The following PCDH15 variants were observed in gnomAD, a reference collection of about 807,000 sequenced individuals.
The protein encoded by PCDH15 is protocadherin-15.
A neutral mutation model predicts 178.5 loss-of-function variants in PCDH15; 129 were observed. The observed-to-expected ratio is 0.72, with a 90% CI of 0.63 to 0.84. The LOEUF (loss-of-function observed/expected upper bound fraction) is 0.84. Among genes scored for constraint, PCDH15 ranks in the 40% least tolerant of loss-of-function variants. The pLI is 0.00. For missense variants in PCDH15, 2,230 were observed against 2,099.9 expected, an observed-to-expected ratio of 1.06 and a Z score of -1.21; for synonymous variants, 800 against 732.0, an observed-to-expected ratio of 1.09 and a Z score of -1.50.
intron 1 of PCDH15, among the ~76,000 whole-genome samples, chr10:54,700,837 C>A (rs2095300324): frequency 6.6e-6 from 1 of 151,982 alleles, no homozygotes; most frequent in African/African-American, 2.4e-5. Flanking sequence ...CAAGGGCCAA[C>A]ACTTAAATTC....
At chr10:54,933,749 A>G (rs1375337926) in intron 2 of PCDH15, among the ~76,000 whole-genome samples, 1 of 152,082 alleles carries the variant, frequency 6.6e-6, no homozygotes. Context: ...TTAATTATGG[A>G]TTCCATGTGC....
intron 21 of PCDH15, among the ~76,000 whole-genome samples, chr10:53,983,691 T>C (rs1356970155): frequency 1.3e-5 from 2 of 152,212 alleles, no homozygotes; most frequent in Admixed American, 6.5e-5. Flanking sequence ...ACATTCCTTG[T>C]AAAATTTATT....
chr10:54,135,193 ACTCT>A (rs963660896), intron 14 of PCDH15, among the ~76,000 whole-genome samples: 1 of 137,800 alleles, frequency 7.3e-6, no homozygotes, highest in African/African-American at 3.0e-5. Context: ...ACAGGGCGAG[ACTCT>A]GTCTCAAAAA....
intron 20 of PCDH15, among the ~76,000 whole-genome samples, chr10:54,016,025 C>T (rs1404685731): frequency 1.3e-5 from 2 of 152,038 alleles, no homozygotes; most frequent in African/African-American, 4.8e-5. Context: ...ACGCATCTGA[C>T]AAAGGTCAAA....
At chr10:54,827,660 G>C (rs998335443) in intron 3 of PCDH15, among the ~76,000 whole-genome samples, 1 of 151,982 alleles carries the variant, frequency 6.6e-6, no homozygotes, top group Non-Finnish European at 1.5e-5. Context: ...GAAAACAACT[G>C]CATCTTATTA....
intron 2 of PCDH15, among the ~76,000 whole-genome samples, chr10:55,008,967 C>T (rs956606668): frequency 6.6e-6 from 1 of 152,000 alleles, no homozygotes; most frequent in Non-Finnish European, 1.5e-5. Flanking sequence ...GAATTGTCAA[C>T]CTTAGATCCT....
At chr10:54,007,775 A>G (rs1273098846) in intron 20 of PCDH15, among the ~76,000 whole-genome samples, 2 of 152,186 alleles carry the variant, frequency 1.3e-5, no homozygotes, top group African/African-American at 2.4e-5. Context: ...TCTTGTTTAC[A>G]AAAGAAATTA....
At chr10:54,139,851 A>T (rs908093970) in intron 14 of PCDH15, among the ~76,000 whole-genome samples, 1 of 152,182 alleles carries the variant, frequency 6.6e-6, no homozygotes, top group Non-Finnish European at 1.5e-5. Flanking sequence ...TAATGAAAAA[A>T]ATAACAATTT....
intron 3 of PCDH15, among the ~76,000 whole-genome samples, chr10:54,862,628 C>G (rs1425947690): frequency 6.6e-6 from 1 of 152,042 alleles, no homozygotes; most frequent in Non-Finnish European, 1.5e-5. Flanking sequence ...TCAGGCCCTC[C>G]CAAGGGGTTG....
chr10:53,979,397 C>T (rs572450700), intron 21 of PCDH15, among the ~76,000 whole-genome samples: 1 of 152,260 alleles, frequency 6.6e-6, no homozygotes, highest in East Asian at 1.9e-4. Flanking sequence ...AATTGTCTCC[C>T]ACTGGGTCTC....
At chr10:54,524,039 A>G (rs985396724) in intron 3 of PCDH15, among the ~76,000 whole-genome samples, 1 of 152,194 alleles carries the variant, frequency 6.6e-6, no homozygotes, top group Admixed American at 6.5e-5. Flanking sequence ...AAAGCCAGTA[A>G]TTGAACTTTG....
intron 1 of PCDH15, among the ~76,000 whole-genome samples, chr10:54,762,514 C>G (rs1038223112): frequency 6.6e-6 from 1 of 152,038 alleles, no homozygotes; most frequent in Admixed American, 6.5e-5. Flanking sequence ...CCAAATGAAA[C>G]AAATACCTTC....
At chr10:54,114,367 T>G (rs2095077659) in intron 15 of PCDH15, among the ~76,000 whole-genome samples, 1 of 152,128 alleles carries the variant, frequency 6.6e-6, no homozygotes, top group Non-Finnish European at 1.5e-5. Flanking sequence ...TACACAGAGC[T>G]AACCAATAAG....
intron 8 of PCDH15, among the ~76,000 whole-genome samples, chr10:54,305,243 AG>A (rs2060392613): frequency 6.6e-6 from 1 of 152,134 alleles, no homozygotes; most frequent in African/African-American, 2.4e-5. Context: ...AACTGAAATA[AG>A]GAATATGTAA....
At chr10:54,144,528 T>A (rs2043717950) in intron 14 of PCDH15, among the ~76,000 whole-genome samples, 1 of 152,176 alleles carries the variant, frequency 6.6e-6, no homozygotes. Context: ...TCTTGTTTTT[T>A]TACACATTGT....
At chr10:54,078,766 TA>T (rs201585479) in intron 17 of PCDH15, among the ~76,000 whole-genome samples, 6,931 of 151,586 alleles carry the variant, frequency 0.046, 547 homozygotes, top group African/African-American at 0.16. Flanking sequence ...TTTTTTTTTT[TA>T]AAGTGAGTTT....
intron 18 of PCDH15, among the ~76,000 whole-genome samples, chr10:54,047,501 T>C (rs2093679865): frequency 1.3e-5 from 2 of 152,054 alleles, no homozygotes; most frequent in Admixed American, 6.6e-5. Flanking sequence ...CTAATAATTC[T>C]ATTGCCCATG....
chr10:54,697,248 T>TTA (rs2095241967), intron 1 of PCDH15, among the ~76,000 whole-genome samples: 1 of 152,072 alleles, frequency 6.6e-6, no homozygotes, highest in South Asian at 2.1e-4. Context: ...TTGTTTTAGC[T>TTA]TATATATACT....
At chr10:54,861,984 T>C (rs575362932) in intron 3 of PCDH15, among the ~76,000 whole-genome samples, 1 of 152,176 alleles carries the variant, frequency 6.6e-6, no homozygotes, top group Admixed American at 6.5e-5. Context: ...CTGGCTACAA[T>C]GATGTTAAGT....
Sources: allele counts gnomAD v4.1 joint callset (sites outside exome capture counted in the v4.1 genomes callset), GRCh38; gene constraint gnomAD v4.1.1; transcripts MANE v1.5; gene names NCBI Gene and HGNC (gene_info 2026-07-23, HGNC 2026-07-21).